ARHGAP25: variants seen among roughly 807,000 people sequenced by gnomAD.
ARHGAP25 encodes rho GTPase-activating protein 25.
ARHGAP25 carries 34 observed loss-of-function variants against 71.0 expected under a neutral mutation model. The ratio of observed to expected loss-of-function variants is 0.48; its 90% CI spans 0.36 to 0.64. ARHGAP25 has a LOEUF of 0.64. ARHGAP25 is among the 30% of genes least tolerant of loss of function. ARHGAP25 has a pLI of 0.00. For missense variants in ARHGAP25, 706 were observed against 805.1 expected, an observed-to-expected ratio of 0.88 and a Z score of 1.49; for synonymous variants, 282 against 296.5, an observed-to-expected ratio of 0.95 and a Z score of 0.50.
intron 1 of ARHGAP25, among the ~76,000 whole-genome samples, chr2:68,759,479 G>T (rs1676673175): frequency 6.6e-6 from 1 of 151,776 alleles, no homozygotes; most frequent in Non-Finnish European, 1.5e-5. Context: ...TGATAACCTA[G>T]ATTCAATGGA....
chr2:68,752,536 A>G (rs907642543), intron 1 of ARHGAP25, among the ~76,000 whole-genome samples: 1 of 152,134 alleles, frequency 6.6e-6, no homozygotes, highest in African/African-American at 2.4e-5. Flanking sequence ...GTCTCCAAGG[A>G]TGGTCACTGG....
At chr2:68,777,549 G>A (rs1230949039) in intron 2 of ARHGAP25, among the ~76,000 whole-genome samples, 1 of 152,148 alleles carries the variant, frequency 6.6e-6, no homozygotes, top group African/African-American at 2.4e-5. Flanking sequence ...GCCTTCTCAG[G>A]ACTAAATTAG....
At chr2:68,733,518 T>G (rs34093192), upstream of ARHGAP25, among the ~76,000 whole-genome samples, 9,555 of 151,970 alleles carry the variant, frequency 0.063, 345 homozygotes, top group Admixed American at 0.091. Context: ...AAATAGTAAG[T>G]TTGAACGCTG....
chr2:68,764,803 T>C (rs532813777), intron 1 of ARHGAP25, among the ~76,000 whole-genome samples: 9 of 152,312 alleles, frequency 5.9e-5, no homozygotes, highest in South Asian at 2.1e-4. Context: ...TCCATATGCA[T>C]TGAGTTGTGA....
intron 1 of ARHGAP25, among the ~76,000 whole-genome samples, chr2:68,739,135 G>A (rs1675382970): frequency 6.6e-6 from 1 of 152,182 alleles, no homozygotes; most frequent in Non-Finnish European, 1.5e-5. Flanking sequence ...AAGTGGTGAT[G>A]GGAAAACAGG....
chr2:68,797,138 G>A lies in ARHGAP25; in HGVS notation c.466+9182G>A, dbSNP rs78363926. On this transcript the variant is annotated intron_variant, in intron 4 of 10. Coordinates refer to ENST00000409202, the MANE Select transcript of ARHGAP25 (RefSeq NM_001007231.3). ...ATCCCACACTCTGTCTTGGAGTAGG[G>A]GGCAAAGTTGGGCAGAGCTGGACCA... Among the ~76,000 whole-genome samples, 809 of 152,286 alleles carry A rather than the reference G, an allele frequency of 5.3e-3. 6 individuals are homozygous for A. Among genetic ancestry groups the A allele is most frequent in the African/African-American group, 0.018 (768 of 41,564 alleles).
At chr2:68,780,921 A>G (rs1428332702) in intron 2 of ARHGAP25, among the ~76,000 whole-genome samples, 2 of 152,184 alleles carry the variant, frequency 1.3e-5, no homozygotes, top group African/African-American at 4.8e-5. Context: ...CAGGCCTGCT[A>G]CCTTCAACAG....
intron 4 of ARHGAP25, among the ~76,000 whole-genome samples, chr2:68,801,744 A>G (rs540763877): frequency 2.5e-4 from 38 of 152,252 alleles, no homozygotes; most frequent in African/African-American, 9.1e-4. Context: ...TGTTTAAGTG[A>G]ATCATCATAA....
intron 4 of ARHGAP25, among the ~76,000 whole-genome samples, chr2:68,802,606 G>C (rs1034115177): frequency 2.0e-5 from 3 of 151,760 alleles, no homozygotes; most frequent in Non-Finnish European, 4.4e-5. Context: ...TTTGAGGAAG[G>C]CTACAGGAGA....
At chr2:68,761,415 G>A (rs536440420) in intron 1 of ARHGAP25, among the ~76,000 whole-genome samples, 6 of 151,872 alleles carry the variant, frequency 4.0e-5, no homozygotes, top group African/African-American at 1.2e-4. Flanking sequence ...AAAAAATTAC[G>A]TATCAAAAGA....
At chr2:68,730,871 A>C (rs1302575267), upstream of ARHGAP25, among the ~76,000 whole-genome samples, 1 of 150,446 alleles carries the variant, frequency 6.6e-6, no homozygotes, top group Non-Finnish European at 1.5e-5. Flanking sequence ...TCACTCCCCC[A>C]CCTGGCTTCC....
In ARHGAP25 at chr2:68,822,565, G is replaced by A. The variant is rs199643431; in HGVS notation, c.1426G>A (p.Glu476Lys). Reference protein sequence around the residue: ...FKNEFWSPSSEAKAGEGHRRT... With the variant: ...FKNEFWSPSSKAKAGEGHRRT... ...AAATGAATTCTGGTCGCCTTCCTCA[G>A]AGGCTAAGGCAGGGGAAGGGCACAG... Residue 476 changes from glutamate to lysine, a missense_variant, in exon 10 of 11, where the codon GAG becomes AAG. By Grantham distance (56) the Glu-to-Lys change is moderately conservative (BLOSUM62 1). Transcript: ENST00000409202. 245 of 1,614,112 alleles carry A rather than the reference G, an allele frequency of 1.5e-4. No individual in the cohort carries two copies. The highest frequency in any genetic ancestry group is 1.7e-4 in the Non-Finnish European group (206 of 1,180,058).
chr2:68,752,426 T>C (rs1409259685), intron 1 of ARHGAP25, among the ~76,000 whole-genome samples: 1 of 152,186 alleles, frequency 6.6e-6, no homozygotes, highest in Non-Finnish European at 1.5e-5. Context: ...ATAGTAGGTC[T>C]CCAGAAGAGC....
intron 1 of ARHGAP25, among the ~76,000 whole-genome samples, chr2:68,756,441 G>C (rs1676485948): frequency 1.3e-5 from 2 of 152,200 alleles, no homozygotes; most frequent in Non-Finnish European, 2.9e-5. Context: ...GATTTAAAGA[G>C]CTTGTGCCTT....
At chr2:68,753,874 A>G (rs1302964756) in intron 1 of ARHGAP25, among the ~76,000 whole-genome samples, 9 of 151,800 alleles carry the variant, frequency 5.9e-5, no homozygotes, top group African/African-American at 2.2e-4. Context: ...AATGAAAACA[A>G]TGTTTTTAAA....
chr2:68,718,242 C>G (rs1674666788), intron 2 of ARHGAP25, among the ~76,000 whole-genome samples: 1 of 152,174 alleles, frequency 6.6e-6, no homozygotes. Flanking sequence ...CAGAGACCAG[C>G]AGCATCACAT....
chr2:68,817,825 C>T (rs1307664958), intron 7 of ARHGAP25, 48 bp from the exon 8 acceptor site: 1 of 1,607,780 alleles, frequency 6.2e-7, no homozygotes, highest in Admixed American at 1.7e-5. Context: ...AGTGCTTCCT[C>T]CTGGCTACTT....
intron 4 of ARHGAP25, among the ~76,000 whole-genome samples, chr2:68,795,495 A>G (rs1679474034): frequency 6.6e-6 from 1 of 152,086 alleles, no homozygotes; most frequent in African/African-American, 2.4e-5. Flanking sequence ...AAATTTTTAG[A>G]TTTCTATCTT....
At chr2:68,791,045 C>A (rs1679139341) in intron 4 of ARHGAP25, among the ~76,000 whole-genome samples, 1 of 152,194 alleles carries the variant, frequency 6.6e-6, no homozygotes, top group African/African-American at 2.4e-5. Flanking sequence ...CCTCTTTCCC[C>A]AGGTAGCTGC....
Sources: gnomAD v4.1 joint callset for allele counts (sites outside exome capture counted in the v4.1 genomes callset) on GRCh38, gnomAD v4.1.1 for gene constraint, MANE v1.5 for transcripts, NCBI Gene and HGNC (gene_info 2026-07-23, HGNC 2026-07-21) for gene names.